Variants in ZBTB20 observed in about 807,000 individuals in gnomAD.
The protein encoded by ZBTB20 is zinc finger and BTB domain containing 20, also known as zinc finger and BTB domain-containing protein 20.
In ZBTB20, 9 loss-of-function variants were observed where a neutral mutation model predicts 56.9. The ratio of observed to expected loss-of-function variants is 0.16; its 90% CI spans 0.10 to 0.28. The LOEUF (loss-of-function observed/expected upper bound fraction) is 0.28, where lower values mean the gene tolerates loss of function less well. Among genes scored for constraint, ZBTB20 ranks in the 10% least tolerant of loss-of-function variants. ZBTB20 has a pLI of 1.00. For synonymous variants in ZBTB20, 417 were observed against 420.7 expected, an observed-to-expected ratio of 0.99 and a Z score of 0.11; for missense variants, 655 against 1,003.0, an observed-to-expected ratio of 0.65 and a Z score of 4.69.
rs987333720 is a variant in ZBTB20, at chr3:114,333,131, T to C, written c.*5874A>G. ...CTTTGCAATATTTTGGTCAGGCTGA[T>C]CGTCTTGATACTCAGTGCTAGAAAT... On this transcript the variant is annotated 3_prime_UTR_variant, in exon 12 of 12. Transcript: ENST00000675478. 12 of 152,362 alleles carry C rather than the reference T, an allele frequency of 7.9e-5. No homozygotes were observed. The highest frequency in any genetic ancestry group is 4.6e-4 in the Admixed American group (7 of 15,308). The allele number at this position is 152,362 out of a possible 1,614,324, so 9.4% of individuals were successfully genotyped here.
chr3:114,956,973 G>A (rs1026230232), intron 3 of ZBTB20, among the ~76,000 whole-genome samples: 1 of 152,188 alleles, frequency 6.6e-6, no homozygotes, highest in African/African-American at 2.4e-5. Context: ...AATTCTGTGA[G>A]TGAGCTGGGC....
chr3:114,709,310 ACC>A (rs1489887444), intron 5 of ZBTB20, among the ~76,000 whole-genome samples: 1 of 152,058 alleles, frequency 6.6e-6, no homozygotes, highest in Non-Finnish European at 1.5e-5. Flanking sequence ...GTTCTTACTC[ACC>A]CCTACACCCA....
chr3:114,370,527 T>C (rs936373462), intron 10 of ZBTB20, among the ~76,000 whole-genome samples: 3 of 152,166 alleles, frequency 2.0e-5, no homozygotes, highest in Non-Finnish European at 4.4e-5. Context: ...ACTATCCTGG[T>C]TTTTCTCCTA....
intron 1 of ZBTB20, among the ~76,000 whole-genome samples, chr3:115,140,516 T>A (rs551856537): frequency 6.6e-6 from 1 of 151,960 alleles, no homozygotes; most frequent in Admixed American, 6.6e-5. Context: ...TGAGATTTAC[T>A]GAAAATGTGT....
intron 3 of ZBTB20, among the ~76,000 whole-genome samples, chr3:114,970,056 G>T: frequency 6.6e-6 from 1 of 152,156 alleles, no homozygotes; most frequent in East Asian, 1.9e-4. Context: ...TTGTCATTCC[G>T]TTGGGCCAGC....
chr3:114,803,892 C>A (rs759049825), intron 4 of ZBTB20, among the ~76,000 whole-genome samples: 3 of 150,934 alleles, frequency 2.0e-5, no homozygotes, highest in Non-Finnish European at 3.0e-5. Flanking sequence ...ATTTCAGGTT[C>A]CAAAATCTGT....
chr3:114,728,478 A>T (rs1156779443), intron 5 of ZBTB20, among the ~76,000 whole-genome samples: 4 of 152,168 alleles, frequency 2.6e-5, no homozygotes, highest in Non-Finnish European at 4.4e-5. Context: ...AGGCTTGGAG[A>T]ATTTGTTAAC....
chr3:115,090,800 T>C (rs1367825685), intron 1 of ZBTB20, among the ~76,000 whole-genome samples: 1 of 151,946 alleles, frequency 6.6e-6, no homozygotes, highest in African/African-American at 2.4e-5. Context: ...ATCACATTTC[T>C]GCCAATAAGA....
intron 6 of ZBTB20, among the ~76,000 whole-genome samples, chr3:114,647,560 T>G (rs1311581047): frequency 6.6e-6 from 1 of 152,210 alleles, no homozygotes; most frequent in African/African-American, 2.4e-5. Context: ...AGCATGAGTT[T>G]AGAGTCAGTC....
At chr3:114,415,804 T>C (rs2088487766) in intron 7 of ZBTB20, among the ~76,000 whole-genome samples, 1 of 152,050 alleles carries the variant, frequency 6.6e-6, no homozygotes, top group African/African-American at 2.4e-5. Flanking sequence ...ATTGAGTCAG[T>C]GGTATCACCA....
chr3:115,050,171 G>A (rs1051225842), intron 2 of ZBTB20, among the ~76,000 whole-genome samples: 9 of 152,024 alleles, frequency 5.9e-5, no homozygotes, highest in African/African-American at 2.2e-4. Context: ...AACCAAAAAT[G>A]ATGTGGTTCG....
chr3:115,078,260 T>A (rs2082665312), intron 1 of ZBTB20, among the ~76,000 whole-genome samples: 1 of 152,216 alleles, frequency 6.6e-6, no homozygotes, highest in Non-Finnish European at 1.5e-5. Flanking sequence ...TTCTATGTTG[T>A]TTTTGATATG....
intron 3 of ZBTB20, among the ~76,000 whole-genome samples, chr3:114,949,870 T>C (rs2077005288): frequency 6.6e-6 from 1 of 152,066 alleles, no homozygotes; most frequent in South Asian, 2.1e-4. Context: ...TATATCAGAA[T>C]ATAAAATGAA....
At chr3:114,577,465 G>A (rs938771275) in intron 6 of ZBTB20, among the ~76,000 whole-genome samples, 8 of 152,042 alleles carry the variant, frequency 5.3e-5, no homozygotes, top group East Asian at 3.8e-4. Context: ...TAAAAATTCC[G>A]TGAAATATAA....
At chr3:114,449,750 C>T (rs1020666462) in intron 7 of ZBTB20, among the ~76,000 whole-genome samples, 8 of 151,414 alleles carry the variant, frequency 5.3e-5, no homozygotes, top group Admixed American at 5.3e-4. Flanking sequence ...TATTACAGGC[C>T]CACCTAGATT....
intron 3 of ZBTB20, among the ~76,000 whole-genome samples, chr3:114,919,522 T>C (rs2107748634): frequency 6.6e-6 from 1 of 151,928 alleles, no homozygotes; most frequent in South Asian, 2.1e-4. Context: ...CCTGGCCAAG[T>C]TCGTGAAACC....
intron 7 of ZBTB20, among the ~76,000 whole-genome samples, chr3:114,392,106 T>C (rs1388252317): frequency 6.6e-6 from 1 of 152,180 alleles, no homozygotes; most frequent in Admixed American, 6.5e-5. Flanking sequence ...TTTCTAACAT[T>C]ACCAGCAGAA....
chr3:115,137,618 T>C (rs2084686190), intron 1 of ZBTB20, among the ~76,000 whole-genome samples: 1 of 152,022 alleles, frequency 6.6e-6, no homozygotes, highest in Non-Finnish European at 1.5e-5. Flanking sequence ...ACTCAAAGCA[T>C]AGTAGAGGCT....
At chr3:114,801,021 T>G (rs1349874643) in intron 5 of ZBTB20, 80 bp downstream of exon 5, 3 of 152,066 alleles carry the variant, frequency 2.0e-5, no homozygotes, top group Non-Finnish European at 4.4e-5. Context: ...TCATGTCTGG[T>G]TACTATGTTA....
Sources: allele counts gnomAD v4.1 joint callset (sites outside exome capture counted in the v4.1 genomes callset), GRCh38; gene constraint gnomAD v4.1.1; transcripts MANE v1.5; gene names NCBI Gene and HGNC (gene_info 2026-07-23, HGNC 2026-07-21).